The following PCDHGB4 variants were observed in gnomAD, a reference collection of about 807,000 sequenced individuals.
PCDHGB4 encodes protocadherin gamma subfamily B, 4, also known as protocadherin gamma-B4.
A neutral mutation model predicts 60.5 loss-of-function variants in PCDHGB4; 38 were observed. The ratio of observed to expected loss-of-function variants is 0.63; its 90% CI spans 0.48 to 0.82. PCDHGB4 has a LOEUF of 0.82. Ranked by LOEUF, PCDHGB4 falls within the 40% of genes least tolerant of loss-of-function variation. The pLI, the probability that PCDHGB4 is intolerant of heterozygous loss-of-function variation, is 0.00. For synonymous variants in PCDHGB4, 456 were observed against 509.7 expected (o/e 0.89, Z 1.42); for missense variants, 1,109 against 1,209.6 (o/e 0.92, Z 1.23).
At chr5:141,400,440 A>G (rs1351638844) in intron 1 of PCDHGB4, 2 of 1,614,094 alleles carry the variant, frequency 1.2e-6, no homozygotes, top group Non-Finnish European at 1.7e-6. Context: ...AATTGAGTTC[A>G]GGACAAGACA....
Position 141,485,966 on chromosome 5 carries a change from A to T in PCDHGB4, c.2398-8841A>T. ...AGCGGGCATGGTGCTCATCCAGCTC[A>T]ATGCCTCAGACCCGGACCTGGGTCC... On this transcript the variant is annotated intron_variant, in intron 1 of 3. Coordinates refer to ENST00000519479, the MANE Select transcript of PCDHGB4 (RefSeq NM_003736.4). The surrounding 1 kb of genome is among the most constrained non-coding windows in gnomAD (Gnocchi z 5.7). 1 of 1,614,168 alleles carries T rather than the reference A, an allele frequency of 6.2e-7. No individual in the cohort carries two copies. Among genetic ancestry groups the T allele is most frequent in the Non-Finnish European group, 8.5e-7 (1 of 1,179,988 alleles).
At chr5:141,412,300 A>T (rs1422841541) in intron 1 of PCDHGB4, 2 of 152,248 alleles carry the variant, frequency 1.3e-5, no homozygotes, top group Non-Finnish European at 2.9e-5. Context: ...TTCTTTTCTC[A>T]TTACAATGCA....
intron 1 of PCDHGB4, chr5:141,408,732 AT>A (rs1172232848): frequency 6.2e-7 from 1 of 1,610,014 alleles, no homozygotes; most frequent in Non-Finnish European, 8.5e-7. Context: ...TCTAATCCTT[AT>A]TTTTCATTAA....
At position 141,490,788 on chromosome 5, in the gene PCDHGB4, C is replaced by G. The variant is rs2099704332; in HGVS notation, c.2398-4019C>G. ...ATGTCAACCCAGAGGATGGACGGAT[C>G]TTTGCCCAGCGTACCTTTGACTATG... On this transcript the variant is annotated intron_variant, in intron 1 of 3. Coordinates refer to ENST00000519479, the MANE Select transcript of PCDHGB4 (RefSeq NM_003736.4). The surrounding 1 kb of genome is among the most constrained non-coding windows in gnomAD (Gnocchi z 5.4). 6.2e-7 allele frequency: 1 copy of G among 1,613,918 alleles called. No homozygotes were observed. The highest frequency in any genetic ancestry group is 1.1e-5 in the South Asian group (1 of 91,084).
chr5:141,413,263 G>A, intron 1 of PCDHGB4: 1 of 1,613,940 alleles, frequency 6.2e-7, no homozygotes, highest in Admixed American at 1.7e-5. Flanking sequence ...TCCATGGGAG[G>A]CTGGAGCCCG....
chr5:141,497,502 T>C (rs1216218103), intron 2 of PCDHGB4, among the ~76,000 whole-genome samples: 1 of 151,628 alleles, frequency 6.6e-6, no homozygotes, highest in East Asian at 1.9e-4. Flanking sequence ...CTCTCCTCTC[T>C]CTGCTTCCTT....
At chr5:141,457,715 CA>C (rs2098928510) in intron 1 of PCDHGB4, among the ~76,000 whole-genome samples, 2 of 152,212 alleles carry the variant, frequency 1.3e-5, no homozygotes, top group Non-Finnish European at 2.9e-5. Flanking sequence ...CACTGTTCCA[CA>C]AGGAATTTCA....
In PCDHGB4 at chr5:141,490,091, A is replaced by T; in HGVS notation, c.2398-4716A>T. 6.2e-7 allele frequency: 1 copy of T among 1,614,240 alleles called. No homozygotes were observed. Among genetic ancestry groups the T allele is most frequent in the East Asian group, 2.2e-5 (1 of 44,888 alleles). ...CAACTAGACTATTCTTTTGGAGACC[A>T]CACATCTGAGGCAGTGCGGAACCTC... On this transcript the variant is annotated intron_variant, in intron 1 of 3. Coordinates refer to ENST00000519479, the MANE Select transcript of PCDHGB4 (RefSeq NM_003736.4). The surrounding 1 kb of genome is among the most constrained non-coding windows in gnomAD (Gnocchi z 5.4).
chr5:141,478,903 C>T lies in PCDHGB4; in HGVS notation c.2398-15904C>T. On this transcript the variant is annotated intron_variant, in intron 1 of 3. Transcript: ENST00000519479. Reference sequence around the variant, plus strand: ...TGGTATCATTTACATTAGGAATAAGCTGCTGGATACCTCTAACCAGTGGCA... The same window carrying T: ...TGGTATCATTTACATTAGGAATAAGTTGCTGGATACCTCTAACCAGTGGCA... 4.2e-6 allele frequency: 4 copies of T among 957,824 alleles called. No homozygotes were observed. The South Asian group carries it at 7.3e-5, about 18-fold the overall frequency. 59.3% of individuals were successfully genotyped at this position (957,824 alleles called of 1,614,324 possible). A position where few individuals can be genotyped will look rare whatever the true frequency, so the allele number is the denominator to read the frequency against.
At position 141,389,694 on chromosome 5, in the gene PCDHGB4, T is replaced by C; in HGVS notation, c.1810T>C (p.Tyr604His). The change falls in exon 1 of 4, where the codon TAC (tyrosine) becomes CAC (histidine). Residue 604 changes from tyrosine (Y) to histidine (H), a missense_variant. Tyr to His is a moderately conservative substitution (Grantham distance 83). Transcript: ENST00000519479. ...CTCAGGACACAACGCCTGGCTGTCC[T>C]ACCACGTGCTGCAGGCTAGCGAGCC... is the stretch of plus-strand genomic sequence containing the variant. ...ADSGHNAWLS[Y>H]HVLQASEPGL... 1 of 1,612,590 alleles carries C rather than the reference T, an allele frequency of 6.2e-7. No homozygotes were observed. Among genetic ancestry groups the C allele is most frequent in the South Asian group, 1.1e-5 (1 of 91,046 alleles).
At chr5:141,419,757 G>C in intron 1 of PCDHGB4, 1 of 1,613,994 alleles carries the variant, frequency 6.2e-7, no homozygotes, top group Non-Finnish European at 8.5e-7. Flanking sequence ...CGTGCTTTGG[G>C]TGACAAGGAC....
intron 3 of PCDHGB4, among the ~76,000 whole-genome samples, chr5:141,508,792 CT>C (rs1475631459): frequency 6.6e-6 from 1 of 152,130 alleles, no homozygotes; most frequent in Non-Finnish European, 1.5e-5. Flanking sequence ...CTAAATCACT[CT>C]GGAATCCTGG....
At position 141,477,023 on chromosome 5, in the gene PCDHGB4, A is replaced by T. The variant is rs763926460; in HGVS notation, c.2398-17784A>T. ...ATTCGCCTTAGACCTTGTAACCGGG[A>T]TGCTGACAATCAAGGGTCGGCTGGA... is the stretch of plus-strand genomic sequence containing the variant. On this transcript the variant is annotated intron_variant, in intron 1 of 3. Transcript: ENST00000519479. The surrounding 1 kb of genome is among the most constrained non-coding windows in gnomAD (Gnocchi z 4.9). 6.2e-7 allele frequency: 1 copy of T among 1,614,240 alleles called. No homozygotes were observed. The highest frequency in any genetic ancestry group is 8.5e-7 in the Non-Finnish European group (1 of 1,180,040).
chr5:141,451,978 T>A (rs1329730658), intron 1 of PCDHGB4, among the ~76,000 whole-genome samples: 1 of 152,188 alleles, frequency 6.6e-6, no homozygotes, highest in Non-Finnish European at 1.5e-5. Flanking sequence ...TTTGCTGTAG[T>A]TTGTTCATTA....
intron 1 of PCDHGB4, among the ~76,000 whole-genome samples, chr5:141,451,703 A>G (rs975120935): frequency 6.6e-6 from 1 of 152,144 alleles, no homozygotes; most frequent in Non-Finnish European, 1.5e-5. Flanking sequence ...GTAACATGAC[A>G]AAACCCTGCC....
chr5:141,509,499 T>C (rs895353804), intron 3 of PCDHGB4, among the ~76,000 whole-genome samples: 1 of 152,128 alleles, frequency 6.6e-6, no homozygotes, highest in Non-Finnish European at 1.5e-5. Flanking sequence ...GCATGCTGGA[T>C]GTGACGGTGT....
chr5:141,511,486 TC>T lies in PCDHGB4; in HGVS notation c.*315del. The T allele has an allele frequency of 2.2e-6, 1 of 449,906 alleles. No homozygotes were observed. 27.9% of individuals were successfully genotyped at this position (449,906 alleles called of 1,614,324 possible). A position where few individuals can be genotyped will look rare whatever the true frequency, so the allele number is the denominator to read the frequency against. On this transcript the variant is annotated 3_prime_UTR_variant, in exon 4 of 4. Transcript: ENST00000519479. ...CCCCGTTTAGTTACAGCTGAACTCC[TC>T]CATCTTCCAAATCAATCAGGCCCAT...
Position 141,432,856 on chromosome 5 carries a change from G to A in PCDHGB4, c.2397+42575G>A, listed in dbSNP as rs773243805. 8.7e-6 allele frequency: 14 copies of A among 1,614,024 alleles called. No homozygotes were observed. The highest frequency in any genetic ancestry group is 1.3e-5 in the African/African-American group (1 of 74,908). ...TGTACCTGGTGGTAGCGGTGGCCGC[G>A]GTCTCCTGCGTCTTCCTGGCCTTCG... On this transcript the variant is annotated intron_variant, in intron 1 of 3. Coordinates refer to ENST00000519479, the MANE Select transcript of PCDHGB4 (RefSeq NM_003736.4). The surrounding 1 kb of genome is among the most constrained non-coding windows in gnomAD (Gnocchi z 6.0).
intron 1 of PCDHGB4, chr5:141,405,602 A>C: frequency 1.7e-6 from 1 of 572,914 alleles, no homozygotes; most frequent in South Asian, 2.3e-5. Flanking sequence ...CCCAAGTAGA[A>C]TAACTGGGAC....
Sources: allele counts gnomAD v4.1 joint callset (sites outside exome capture counted in the v4.1 genomes callset), GRCh38; gene constraint gnomAD v4.1.1; non-coding constraint Gnocchi (gnomAD v3.1); transcripts MANE v1.5; gene names NCBI Gene and HGNC (gene_info 2026-07-23, HGNC 2026-07-21).